Variants in MDGA2 observed in about 807,000 individuals in gnomAD.
The protein encoded by MDGA2 is MAM domain containing glycosylphosphatidylinositol anchor 2, also known as MAM domain-containing glycosylphosphatidylinositol anchor protein 2.
In MDGA2, 40 loss-of-function variants were observed where a neutral mutation model predicts 117.8. The ratio of observed to expected loss-of-function variants is 0.34; its 90% CI spans 0.26 to 0.44. The LOEUF is 0.44. MDGA2 is among the 20% of genes least tolerant of loss of function. The pLI is 1.00. For missense variants in MDGA2, 1,123 were observed against 1,250.6 expected, an observed-to-expected ratio of 0.90 and a Z score of 1.54; for synonymous variants, 452 against 439.0, an observed-to-expected ratio of 1.03 and a Z score of -0.37.
intron 1 of MDGA2, among the ~76,000 whole-genome samples, chr14:47,525,244 C>T (rs1478404862): frequency 6.6e-6 from 1 of 152,186 alleles, no homozygotes; most frequent in African/African-American, 2.4e-5. Flanking sequence ...TCTGGTTTAA[C>T]GTTCCCACAT....
intron 5 of MDGA2, among the ~76,000 whole-genome samples, chr14:47,106,055 TC>T (rs1263171351): frequency 6.6e-5 from 10 of 152,116 alleles, no homozygotes; most frequent in Non-Finnish European, 1.2e-4. Flanking sequence ...AAGTTAATGC[TC>T]CTTTTTCTTT....
Position 47,082,507 on chromosome 14 carries a change from A to G in MDGA2, c.1195+14347T>C, listed in dbSNP as rs1890744755. Among the ~76,000 whole-genome samples the G allele has an allele frequency of 3.3e-5, 5 of 152,268 alleles. No individual in the cohort carries two copies. In the South Asian group the frequency reaches 1.0e-3, roughly 32 times the overall value. On this transcript the variant is annotated intron_variant, in intron 6 of 16. Transcript: ENST00000399232. ...GTCCTAGGAATGGGGCAAATAGCAG[A>G]CAAATACAGCATTAACAAGCCAGTC...
At chr14:47,092,454 A>G (rs1879712244) in intron 6 of MDGA2, among the ~76,000 whole-genome samples, 1 of 152,150 alleles carries the variant, frequency 6.6e-6, no homozygotes, top group Non-Finnish European at 1.5e-5. Flanking sequence ...CTTAGACTTC[A>G]TAGACAATTA....
chr14:46,968,349 A>G (rs886523321), intron 8 of MDGA2, among the ~76,000 whole-genome samples: 2 of 152,164 alleles, frequency 1.3e-5, no homozygotes, highest in Admixed American at 6.5e-5. Flanking sequence ...GGTAGATGCA[A>G]AAATCCCAAA....
rs541638075 is a variant in MDGA2 at position 47,620,529 on chromosome 14, T to G, written c.280+53988A>C. Among the ~76,000 whole-genome samples, 3 of 152,344 alleles carry G rather than the reference T, an allele frequency of 2.0e-5. No homozygotes were observed. In the South Asian group the frequency reaches 6.2e-4, roughly 32 times the overall value. On this transcript the variant is annotated intron_variant, in intron 1 of 16. Coordinates refer to ENST00000399232, the MANE Select transcript of MDGA2 (RefSeq NM_001113498.3). ...TGTAGATGCGTACAAATATACTTCT[T>G]CAAATACTGATGAGAGGGCAGGATA...
intron 1 of MDGA2, among the ~76,000 whole-genome samples, chr14:47,529,938 G>A (rs1895059675): frequency 6.6e-6 from 1 of 152,146 alleles, no homozygotes; most frequent in Non-Finnish European, 1.5e-5. Context: ...TACTGCTACG[G>A]AATAAAAGAT....
intron 1 of MDGA2, among the ~76,000 whole-genome samples, chr14:47,563,076 AT>A (rs1344726433): frequency 1.3e-5 from 2 of 151,802 alleles, no homozygotes; most frequent in Admixed American, 6.6e-5. Context: ...TTCTATTTCC[AT>A]TGCATTGTGG....
At chr14:47,434,764 G>A (rs557015155) in intron 1 of MDGA2, among the ~76,000 whole-genome samples, 1 of 152,204 alleles carries the variant, frequency 6.6e-6, no homozygotes, top group African/African-American at 2.4e-5. Flanking sequence ...CAACATTTAA[G>A]TGTGGTGTGC....
intron 1 of MDGA2, among the ~76,000 whole-genome samples, chr14:47,354,310 CTG>C (rs1382911452): frequency 1.3e-5 from 2 of 152,120 alleles, no homozygotes; most frequent in Non-Finnish European, 2.9e-5. Context: ...GGGGTACACA[CTG>C]TGAAAAAGTA....
intron 8 of MDGA2, among the ~76,000 whole-genome samples, chr14:46,999,215 A>G (rs1327810387): frequency 6.6e-6 from 1 of 152,034 alleles, no homozygotes; most frequent in Admixed American, 6.6e-5. Context: ...AGGTAAAAAA[A>G]AAAGCTGTAA....
intron 1 of MDGA2, among the ~76,000 whole-genome samples, chr14:47,499,620 T>C (rs118108709): frequency 0.045 from 6,822 of 152,256 alleles, 247 homozygotes; most frequent in Non-Finnish European, 0.065. Context: ...TCAGCTTATA[T>C]ACCTACAGCT....
At chr14:47,195,591 A>C (rs1885260727) in intron 3 of MDGA2, among the ~76,000 whole-genome samples, 1 of 152,090 alleles carries the variant, frequency 6.6e-6, no homozygotes, top group African/African-American at 2.4e-5. Context: ...GGTGATTTGC[A>C]AAACTGAAAA....
chr14:47,585,746 T>C (rs2138848838), intron 1 of MDGA2, among the ~76,000 whole-genome samples: 1 of 152,026 alleles, frequency 6.6e-6, no homozygotes, highest in African/African-American at 2.4e-5. Flanking sequence ...TATTCCCCTT[T>C]CATCCTTCCC....
chr14:46,919,574 C>T (rs1273136166), intron 10 of MDGA2, among the ~76,000 whole-genome samples: 2 of 152,140 alleles, frequency 1.3e-5, no homozygotes. Context: ...TTAGCTTATG[C>T]AACATTCTGT....
At chr14:47,160,300 TC>T (rs982477335) in intron 3 of MDGA2, among the ~76,000 whole-genome samples, 5 of 152,184 alleles carry the variant, frequency 3.3e-5, no homozygotes, top group Non-Finnish European at 7.3e-5. Context: ...CCTGTCCCAG[TC>T]CCTTGCTGCT....
intron 8 of MDGA2, among the ~76,000 whole-genome samples, chr14:46,968,909 A>T (rs34109599): frequency 0.12 from 17,815 of 151,932 alleles, 1,981 homozygotes; most frequent in African/African-American, 0.27. Flanking sequence ...AATCAAAACA[A>T]AAAAATCAGT....
chr14:47,503,158 C>A (rs1594889852), intron 1 of MDGA2, among the ~76,000 whole-genome samples: 1 of 151,996 alleles, frequency 6.6e-6, no homozygotes, highest in Non-Finnish European at 1.5e-5. Flanking sequence ...CAATTTAGAC[C>A]ATTTTACTTT....
chr14:47,101,188 G>C (rs1350752664), intron 5 of MDGA2, among the ~76,000 whole-genome samples: 1 of 151,834 alleles, frequency 6.6e-6, no homozygotes, highest in Non-Finnish European at 1.5e-5. Flanking sequence ...AAGAAAATAA[G>C]AGAAGAGAGA....
chr14:47,066,975 C>T (rs1265403225), intron 6 of MDGA2, among the ~76,000 whole-genome samples: 3 of 151,932 alleles, frequency 2.0e-5, no homozygotes, highest in East Asian at 1.9e-4. Context: ...ATTAGCTAGG[C>T]GTGGTGGCAG....
Sources: gnomAD v4.1 joint callset for allele counts (sites outside exome capture counted in the v4.1 genomes callset) on GRCh38, gnomAD v4.1.1 for gene constraint, MANE v1.5 for transcripts, NCBI Gene and HGNC (gene_info 2026-07-23, HGNC 2026-07-21) for gene names.